Variants in ARID4A observed in about 807,000 individuals in gnomAD.
ARID4A encodes AT-rich interactive domain-containing protein 4A.
A neutral mutation model predicts 148.6 loss-of-function variants in ARID4A; 39 were observed. The observed-to-expected ratio is 0.26, with a 90% CI of 0.20 to 0.34. The LOEUF (loss-of-function observed/expected upper bound fraction) is 0.34. Among genes scored for constraint, ARID4A ranks in the 10% least tolerant of loss-of-function variants. The pLI is 1.00. For synonymous variants in ARID4A, 475 were observed against 481.2 expected (o/e 0.99, Z 0.17); for missense variants, 1,265 against 1,449.1 (o/e 0.87, Z 2.06).
rs983789835 is a variant in ARID4A at position 58,314,019 on chromosome 14, T to C, written c.275-4523T>C. On this transcript the variant is annotated intron_variant, in intron 5 of 23. Coordinates refer to ENST00000355431, the MANE Select transcript of ARID4A (RefSeq NM_002892.4). ...CTTCTCTAGGTATTCCTTAATTCAG[T>C]CAAGTTCACATCTAAAATTAACTGT... is the stretch of plus-strand genomic sequence containing the variant. Among the ~76,000 whole-genome samples, 53 of 152,298 alleles carry C rather than the reference T, an allele frequency of 3.5e-4. 1 individual carries two copies. Among genetic ancestry groups the C allele is most frequent in the Non-Finnish European group, 1.6e-4 (11 of 68,038 alleles).
intron 12 of ARID4A, among the ~76,000 whole-genome samples, chr14:58,345,991 C>T (rs929631703): frequency 1.3e-5 from 2 of 151,592 alleles, no homozygotes; most frequent in Non-Finnish European, 2.9e-5. Flanking sequence ...CTGCCTTAGC[C>T]TCCCAAAGTG....
chr14:58,362,989 C>T (rs1442230908), intron 19 of ARID4A, among the ~76,000 whole-genome samples: 4 of 152,192 alleles, frequency 2.6e-5, no homozygotes, highest in Non-Finnish European at 5.9e-5. Context: ...GGACATCCTT[C>T]CTCTTTACTG....
chr14:58,365,489 T>TTGA, intron 20 of ARID4A, 29 bp from the exon 21 acceptor site: 1 of 985,680 alleles, frequency 1.0e-6, no homozygotes, highest in Non-Finnish European at 1.4e-6. Context: ...TTTTTTTTTT[T>TTGA]CAACATTCTC....
chr14:58,306,345 G>T (rs1219905072), intron 5 of ARID4A, among the ~76,000 whole-genome samples: 1 of 152,100 alleles, frequency 6.6e-6, no homozygotes, highest in Non-Finnish European at 1.5e-5. Flanking sequence ...TCTATTTTAG[G>T]TTACTTTGAT....
At chr14:58,299,225 C>T (rs1008820305) in intron 1 of ARID4A, 11 of 153,054 alleles carry the variant, frequency 7.2e-5, no homozygotes, top group African/African-American at 2.7e-4. Context: ...ACGCGGGTCC[C>T]CCGGGGCTCT....
intron 3 of ARID4A, among the ~76,000 whole-genome samples, chr14:58,302,124 G>A (rs552118631): frequency 1.3e-5 from 2 of 152,236 alleles, no homozygotes; most frequent in South Asian, 2.1e-4. Flanking sequence ...TTGGGAGGCC[G>A]AAGTGGGCAG....
At chr14:58,329,687 T>A (rs56178658) in intron 10 of ARID4A, 83 bp downstream of exon 10, 1 of 1,200,678 alleles carries the variant, frequency 8.3e-7, no homozygotes, top group Admixed American at 1.8e-5. Flanking sequence ...TGATACTCTC[T>A]GGTACCACCA....
intron 12 of ARID4A, among the ~76,000 whole-genome samples, chr14:58,345,482 T>C (rs1025505845): frequency 6.6e-6 from 1 of 152,162 alleles, no homozygotes; most frequent in Non-Finnish European, 1.5e-5. Flanking sequence ...AATCGTTATC[T>C]GAAAAAGATG....
At chr14:58,300,728 G>A (rs939798888) in intron 2 of ARID4A, among the ~76,000 whole-genome samples, 4 of 150,446 alleles carry the variant, frequency 2.7e-5, no homozygotes, top group Non-Finnish European at 5.9e-5. Flanking sequence ...ACTTCAAAAC[G>A]TATCTCCAAA....
intron 11 of ARID4A, among the ~76,000 whole-genome samples, chr14:58,330,370 CA>C (rs1342666273): frequency 2.6e-5 from 4 of 152,000 alleles, no homozygotes; most frequent in Non-Finnish European, 5.9e-5. Flanking sequence ...TAAGAGATTA[CA>C]AGAAAATACT....
chr14:58,305,486 C>T (rs996219538), intron 4 of ARID4A, among the ~76,000 whole-genome samples: 1 of 152,052 alleles, frequency 6.6e-6, no homozygotes, highest in Non-Finnish European at 1.5e-5. Context: ...TATCAGAGTA[C>T]CACTTTGGTT....
At chr14:58,337,199 G>A (rs1478601569) in intron 11 of ARID4A, among the ~76,000 whole-genome samples, 1 of 136,066 alleles carries the variant, frequency 7.3e-6, no homozygotes, top group Non-Finnish European at 1.6e-5. Flanking sequence ...GCCCCAAAGT[G>A]AACTTTCTAG....
At chr14:58,324,073 T>G (rs1463137532) in intron 8 of ARID4A, among the ~76,000 whole-genome samples, 1 of 151,398 alleles carries the variant, frequency 6.6e-6, no homozygotes, top group Non-Finnish European at 1.5e-5. Flanking sequence ...CCTGGCTAAT[T>G]TTTTGTATTT....
intron 23 of ARID4A, among the ~76,000 whole-genome samples, chr14:58,369,571 C>T (rs976021796): frequency 1.2e-4 from 18 of 144,752 alleles, no homozygotes; most frequent in South Asian, 2.3e-4. Flanking sequence ...ACCGAGATCG[C>T]GCCAGTGCAC....
At chr14:58,334,296 A>G (rs2033687338) in intron 11 of ARID4A, among the ~76,000 whole-genome samples, 2 of 152,198 alleles carry the variant, frequency 1.3e-5, no homozygotes, top group Admixed American at 6.5e-5. Context: ...TAAAATGTGT[A>G]CCTTTTCAAA....
intron 5 of ARID4A, among the ~76,000 whole-genome samples, chr14:58,316,872 G>A (rs146758504): frequency 1.8e-3 from 266 of 149,580 alleles, no homozygotes; most frequent in African/African-American, 6.3e-3. Flanking sequence ...GAGTCACCGC[G>A]CCCGGCCAAG....
chr14:58,311,569 C>T (rs1251557889), intron 5 of ARID4A, among the ~76,000 whole-genome samples: 1 of 152,150 alleles, frequency 6.6e-6, no homozygotes, highest in Non-Finnish European at 1.5e-5. Flanking sequence ...CCATATGATC[C>T]AGCAATCCCA....
In ARID4A at chr14:58,351,173, A is replaced by T; in HGVS notation, c.1505A>T (p.Asp502Val). 2.5e-6 allele frequency: 4 copies of T among 1,612,712 alleles called. No homozygotes were observed. Among genetic ancestry groups the T allele is most frequent in the Non-Finnish European group, 2.5e-6 (3 of 1,179,684 alleles). The change falls in exon 16 of 24, where the codon GAT becomes GTT. Residue 502 changes from aspartate (D) to valine (V), a missense_variant. Physicochemically the swap from Asp to Val is radical, Grantham distance 152 (BLOSUM62 -3). Around this residue, in one of 9 missense-constraint regions of ARID4A, gnomAD observed 205 missense variants for 196.9 expected, o/e 1.04. Transcript: ENST00000355431. The part of the protein sequence containing the change: ...KLKDNDTENK[D>V]VDDDYETAEK... ...AAAGATAATGATACAGAAAATAAGG[A>T]TGTAGATGATGACTATGAAACTGCA...
rs2035300894 is a variant in ARID4A, at chr14:58,365,206, T to G, written c.3117T>G (p.Gly1039=). Residue 1039 remains glycine (G), a synonymous_variant, in exon 20 of 24, where the codon GGT becomes GGG. Coordinates refer to ENST00000355431, the MANE Select transcript of ARID4A (RefSeq NM_002892.4). ...GTATTGCTGAAGAATCTCAAGAAGG[T>G]CTCTGTGAGAGGGAATCGGCAAATG... ...VDSIAEESQE[G]LCERESANGF... The G allele has an allele frequency of 6.2e-7, 1 of 1,613,954 alleles. No individual in the cohort carries two copies. Among genetic ancestry groups the G allele is most frequent in the Non-Finnish European group, 8.5e-7 (1 of 1,179,980 alleles).
Sources: allele counts gnomAD v4.1 joint callset (sites outside exome capture counted in the v4.1 genomes callset), GRCh38; gene constraint gnomAD v4.1.1; regional missense constraint gnomAD v4.1.1; transcripts MANE v1.5; gene names NCBI Gene and HGNC (gene_info 2026-07-23, HGNC 2026-07-21).